NRXN3: variants seen among roughly 807,000 people sequenced by gnomAD.
NRXN3 encodes neurexin 3.
A neutral mutation model predicts 137.6 loss-of-function variants in NRXN3; 32 were observed. That is an observed-to-expected ratio of 0.23 (90% CI 0.18 to 0.31). The LOEUF is 0.31. Ranked by LOEUF, NRXN3 falls within the 10% of genes least tolerant of loss-of-function variation. The probability of loss-of-function intolerance (pLI) is 1.00; values close to 1 mark genes in which losing one functional copy is unlikely to be tolerated. For synonymous variants in NRXN3, 798 were observed against 784.5 expected, an observed-to-expected ratio of 1.02 and a Z score of -0.29; for missense variants, 1,574 against 2,062.5, an observed-to-expected ratio of 0.76 and a Z score of 4.59.
At chr14:78,630,838 C>T (rs2097515001) in intron 4 of NRXN3, among the ~76,000 whole-genome samples, 1 of 152,134 alleles carries the variant, frequency 6.6e-6, no homozygotes, top group Admixed American at 6.5e-5. Flanking sequence ...ATCTCCTGAC[C>T]TCGTGGTCCG....
intron 15 of NRXN3, among the ~76,000 whole-genome samples, chr14:79,376,398 C>G (rs1456598551): frequency 1.3e-5 from 2 of 151,722 alleles, no homozygotes; most frequent in Middle Eastern, 3.2e-3. Flanking sequence ...TGGATTCATT[C>G]ACACGGAAAC....
intron 15 of NRXN3, among the ~76,000 whole-genome samples, chr14:79,347,530 TCC>T (rs10530764): frequency 0.43 from 65,449 of 151,420 alleles, 14,645 homozygotes; most frequent in South Asian, 0.55. Context: ...CAAGCGATTC[TCC>T]TGCTTCAGCC....
intron 15 of NRXN3, among the ~76,000 whole-genome samples, chr14:79,465,838 C>T (rs1480979328): frequency 6.6e-6 from 1 of 152,142 alleles, no homozygotes; most frequent in African/African-American, 2.4e-5. Context: ...AGATGAGTAA[C>T]CCGTGGAAGT....
chr14:78,548,423 C>T (rs1322631832), intron 4 of NRXN3, among the ~76,000 whole-genome samples: 1 of 152,128 alleles, frequency 6.6e-6, no homozygotes, highest in Non-Finnish European at 1.5e-5. Flanking sequence ...CCCCACTAGA[C>T]TCTACCAAGT....
chr14:78,820,015 A>G (rs1317942477), intron 10 of NRXN3, among the ~76,000 whole-genome samples: 8 of 152,210 alleles, frequency 5.3e-5, no homozygotes, highest in Non-Finnish European at 1.0e-4. Flanking sequence ...CAATTCATGA[A>G]TCACTGTTTG....
intron 4 of NRXN3, among the ~76,000 whole-genome samples, chr14:78,373,948 T>C (rs1322951246): frequency 6.6e-6 from 1 of 152,192 alleles, no homozygotes; most frequent in African/African-American, 2.4e-5. Flanking sequence ...AAAATATTGG[T>C]TTTTATTTTG....
chr14:79,243,805 C>A (rs1466127794), intron 15 of NRXN3, among the ~76,000 whole-genome samples: 1 of 151,980 alleles, frequency 6.6e-6, no homozygotes, highest in East Asian at 1.9e-4. Context: ...CCTATGGGAC[C>A]ATGATCATAT....
In NRXN3 at chr14:78,961,012, A is replaced by ATT. The variant is rs201893544; in HGVS notation, c.2395+3668_2395+3669dup. ...ATTGATAAGTATGCAGTATTTGCTA[A>ATT]TTTTTTTTTTTTTTTTTTGGTTCCA... On this transcript the variant is annotated intron_variant, in intron 11 of 20. Transcript: ENST00000335750. Among the ~76,000 whole-genome samples, 904 of 137,218 alleles carry ATT rather than the reference A, an allele frequency of 6.6e-3. 7 individuals carry two copies. The highest frequency in any genetic ancestry group is 0.024 in the South Asian group (101 of 4,190). 90.0% of individuals were successfully genotyped at this position (137,218 alleles called of 152,430 possible). A position where few individuals can be genotyped will look rare whatever the true frequency, so the allele number is the denominator to read the frequency against.
intron 15 of NRXN3, among the ~76,000 whole-genome samples, chr14:79,173,910 A>G (rs1378815007): frequency 1.3e-5 from 2 of 152,198 alleles, no homozygotes; most frequent in Non-Finnish European, 2.9e-5. Flanking sequence ...CAAAAAATGT[A>G]TATGTGGGCT....
intron 6 of NRXN3, among the ~76,000 whole-genome samples, chr14:78,671,435 T>C (rs1364167640): frequency 6.6e-6 from 1 of 152,204 alleles, no homozygotes; most frequent in Non-Finnish European, 1.5e-5. Flanking sequence ...TTAAATAAAG[T>C]ACATATAAGA....
At chr14:78,227,390 A>G (rs1040315180) in intron 1 of NRXN3, among the ~76,000 whole-genome samples, 1 of 151,900 alleles carries the variant, frequency 6.6e-6, no homozygotes, top group Non-Finnish European at 1.5e-5. Flanking sequence ...GTTAGATGAG[A>G]CAGAGTTACT....
chr14:78,493,982 G>T (rs2095717683), intron 4 of NRXN3, among the ~76,000 whole-genome samples: 1 of 152,172 alleles, frequency 6.6e-6, no homozygotes, highest in Admixed American at 6.6e-5. Flanking sequence ...GCCTACAGAG[G>T]AAGCAGAAAG....
At position 79,441,505 on chromosome 14, in the gene NRXN3, G is replaced by A. The variant is rs1244991894; in HGVS notation, c.3263-25716G>A. Among the ~76,000 whole-genome samples, 8 of 147,290 alleles carry A rather than the reference G, an allele frequency of 5.4e-5. No individual in the cohort carries two copies. In the South Asian group the frequency reaches 8.8e-4, roughly 16 times the overall value. On this transcript the variant is annotated intron_variant, in intron 15 of 20. Transcript: ENST00000335750. ...CGCCATTCTCCTGCCTCAGCCTCCCGAGTAGCTGGAACTACAGGCGCCCGC... is the reference window on the plus strand; with the variant it reads ...CGCCATTCTCCTGCCTCAGCCTCCCAAGTAGCTGGAACTACAGGCGCCCGC...
At chr14:78,421,415 A>G (rs2093440069) in intron 4 of NRXN3, among the ~76,000 whole-genome samples, 1 of 152,196 alleles carries the variant, frequency 6.6e-6, no homozygotes, top group African/African-American at 2.4e-5. Flanking sequence ...ATATAAATAA[A>G]TTATGATGCC....
intron 1 of NRXN3, among the ~76,000 whole-genome samples, chr14:78,220,777 G>A (rs7146586): frequency 0.48 from 72,574 of 151,578 alleles, 17,611 homozygotes; most frequent in African/African-American, 0.5. Flanking sequence ...TAAAGGGACC[G>A]TTTTTCATTG....
chr14:78,333,977 G>A (rs1375252608), intron 4 of NRXN3, among the ~76,000 whole-genome samples: 2 of 152,100 alleles, frequency 1.3e-5, no homozygotes, highest in East Asian at 3.9e-4. Flanking sequence ...GTTTTGTTTG[G>A]AAGGTAGAGC....
intron 4 of NRXN3, among the ~76,000 whole-genome samples, chr14:78,469,494 T>C (rs562033069): frequency 6.6e-6 from 1 of 152,308 alleles, no homozygotes; most frequent in Non-Finnish European, 1.5e-5. Context: ...AAAGGGGCAC[T>C]ATGACAAAGT....
intron 16 of NRXN3, among the ~76,000 whole-genome samples, chr14:79,609,729 T>C (rs1054119030): frequency 3.2e-4 from 49 of 152,254 alleles, no homozygotes; most frequent in Non-Finnish European, 4.0e-4. Flanking sequence ...ATATACTGTA[T>C]ACCAGACACT....
chr14:79,367,056 T>C (rs890429311), intron 15 of NRXN3, among the ~76,000 whole-genome samples: 1 of 147,124 alleles, frequency 6.8e-6, no homozygotes, highest in African/African-American at 2.5e-5. Flanking sequence ...CATTCTTGGC[T>C]CACTGCAAGC....
Sources: allele counts gnomAD v4.1 joint callset (sites outside exome capture counted in the v4.1 genomes callset), GRCh38; gene constraint gnomAD v4.1.1; transcripts MANE v1.5; gene names NCBI Gene and HGNC (gene_info 2026-07-23, HGNC 2026-07-21).